The following CDH18 variants were observed in gnomAD, a reference collection of about 807,000 sequenced individuals.
CDH18 encodes cadherin-18.
In CDH18, 31 loss-of-function variants were observed where a neutral mutation model predicts 67.9. The observed-to-expected ratio is 0.46, with a 90% confidence interval of 0.34 to 0.62. The LOEUF is 0.62. CDH18 is among the 20% of genes least tolerant of loss of function. The probability of loss-of-function intolerance (pLI) is 0.01; values close to 1 mark genes in which losing one functional copy is unlikely to be tolerated. For missense variants in CDH18, 890 were observed against 975.5 expected (o/e 0.91, Z 1.17); for synonymous variants, 362 against 347.2 (o/e 1.04, Z -0.48).
chr5:20,032,434 A>T (rs562517854), intron 2 of CDH18, among the ~76,000 whole-genome samples: 1 of 151,978 alleles, frequency 6.6e-6, no homozygotes, highest in East Asian at 1.9e-4. Context: ...AAAAGCAAAA[A>T]TCATCCCAGC....
intron 1 of CDH18, among the ~76,000 whole-genome samples, chr5:20,294,283 T>A (rs1013839888): frequency 2.6e-5 from 4 of 152,182 alleles, no homozygotes; most frequent in African/African-American, 9.7e-5. Context: ...TTATCAAATA[T>A]TTTTTCCATT....
chr5:20,383,657 T>G (rs968491963), intron 1 of CDH18, among the ~76,000 whole-genome samples: 1 of 152,168 alleles, frequency 6.6e-6, no homozygotes, highest in Non-Finnish European at 1.5e-5. Flanking sequence ...CGTGAATCTT[T>G]CATTTGCTGT....
At chr5:19,676,004 G>A (rs1005792888) in intron 5 of CDH18, among the ~76,000 whole-genome samples, 2 of 150,762 alleles carry the variant, frequency 1.3e-5, no homozygotes, top group African/African-American at 4.9e-5. Context: ...GTAAACAAAA[G>A]CAGTGATCTG....
At position 20,292,279 on chromosome 5, in the gene CDH18, T is replaced by A. The variant is rs377175293; in HGVS notation, c.-579-36774A>T. On this transcript the variant is annotated intron_variant, in intron 1 of 14. Transcript: ENST00000507958. ...GTAAGTTTTCACTTGATGGTTCAAT[T>A]TCTGAGATTGAGAAACACTGCTGTT... Among the ~76,000 whole-genome samples the A allele has an allele frequency of 9.2e-5, 14 of 152,304 alleles. No individual in the cohort carries two copies. In the East Asian group the frequency reaches 2.3e-3, roughly 25 times the overall value.
At chr5:20,363,477 CAAAAA>C (rs1187140017) in intron 1 of CDH18, among the ~76,000 whole-genome samples, 2,856 of 101,294 alleles carry the variant, frequency 0.028, 74 homozygotes, top group East Asian at 0.092. Context: ...GACTCCGTAT[CAAAAA>C]AAAAAAAAAA....
At chr5:20,117,030 A>T (rs200847058) in intron 2 of CDH18, among the ~76,000 whole-genome samples, 20,675 of 147,640 alleles carry the variant, frequency 0.14, 2,403 homozygotes, top group African/African-American at 0.32. Context: ...TGTGTGTGTG[A>T]GTGTGTGTGT....
At chr5:19,826,150 C>G (rs1307761324) in intron 3 of CDH18, among the ~76,000 whole-genome samples, 1 of 151,952 alleles carries the variant, frequency 6.6e-6, no homozygotes, top group East Asian at 1.9e-4. Flanking sequence ...AAGACTGGTT[C>G]TCTGAAGTAA....
At chr5:20,480,051 A>G (rs1752686081) in intron 1 of CDH18, among the ~76,000 whole-genome samples, 1 of 152,208 alleles carries the variant, frequency 6.6e-6, no homozygotes, top group African/African-American at 2.4e-5. Flanking sequence ...TCCTTCAGAC[A>G]TGAAAGAGAA....
intron 11 of CDH18, among the ~76,000 whole-genome samples, chr5:19,485,510 C>T (rs1740250940): frequency 6.6e-6 from 1 of 152,176 alleles, no homozygotes; most frequent in Non-Finnish European, 1.5e-5. Context: ...CCGCCTCGGC[C>T]TCCCAAAGTG....
rs76994940 is a variant in CDH18, at chr5:19,606,011, C to T, written c.811+6423G>A. Among the ~76,000 whole-genome samples, 1,139 of 152,116 alleles carry T rather than the reference C, an allele frequency of 7.5e-3. 20 individuals carry two copies. The highest frequency in any genetic ancestry group is 0.026 in the African/African-American group (1,091 of 41,522). ...AGAAAGTGCATCTGGAAGGCAAAGG[C>T]GCTAGGCAGAGATTTCAGCAGCCAT... On this transcript the variant is annotated intron_variant, in intron 6 of 12. Transcript: ENST00000382275.
chr5:20,479,069 A>G (rs1752622523), intron 1 of CDH18, among the ~76,000 whole-genome samples: 1 of 152,174 alleles, frequency 6.6e-6, no homozygotes, highest in African/African-American at 2.4e-5. Flanking sequence ...CAAACCATAT[A>G]TGGCTGCATT....
intron 12 of CDH18, among the ~76,000 whole-genome samples, chr5:19,481,173 T>C (rs73760027): frequency 0.062 from 9,515 of 152,242 alleles, 378 homozygotes; most frequent in African/African-American, 0.11. Context: ...CCTTATTTAG[T>C]GATCACATTG....
At chr5:19,949,614 T>C (rs534803072) in intron 2 of CDH18, among the ~76,000 whole-genome samples, 315 of 152,274 alleles carry the variant, frequency 2.1e-3, no homozygotes, top group Non-Finnish European at 2.9e-3. Context: ...CTTTTCGTAA[T>C]TGAATTTTTC....
chr5:19,816,856 T>G (rs1055437654), intron 3 of CDH18, among the ~76,000 whole-genome samples: 2 of 151,852 alleles, frequency 1.3e-5, no homozygotes, highest in Admixed American at 6.6e-5. Flanking sequence ...CAAAATATAA[T>G]TTCAGTCAAA....
intron 1 of CDH18, among the ~76,000 whole-genome samples, chr5:20,522,420 C>T (rs550288027): frequency 6.6e-6 from 1 of 152,186 alleles, no homozygotes; most frequent in South Asian, 2.1e-4. Flanking sequence ...GAATCTTATC[C>T]TTTAATAAAT....
At chr5:19,919,951 T>C (rs1040028300) in intron 2 of CDH18, among the ~76,000 whole-genome samples, 1 of 152,172 alleles carries the variant, frequency 6.6e-6, no homozygotes, top group Admixed American at 6.5e-5. Context: ...TCTTTTGTAC[T>C]ATATCTAGAT....
chr5:19,814,209 A>G (rs1779049402), intron 3 of CDH18, among the ~76,000 whole-genome samples: 1 of 152,044 alleles, frequency 6.6e-6, no homozygotes. Flanking sequence ...AAGTAATATA[A>G]CAAATGAACT....
intron 2 of CDH18, among the ~76,000 whole-genome samples, chr5:19,908,683 A>G (rs1370754558): frequency 6.6e-6 from 1 of 152,192 alleles, no homozygotes; most frequent in Non-Finnish European, 1.5e-5. Flanking sequence ...AAAACAAGTT[A>G]TCTGTCATAT....
At chr5:20,077,167 A>G (rs1744016906) in intron 2 of CDH18, among the ~76,000 whole-genome samples, 1 of 152,218 alleles carries the variant, frequency 6.6e-6, no homozygotes, top group African/African-American at 2.4e-5. Flanking sequence ...GCTGTTTCAA[A>G]CTGCATCCCT....
Sources: allele counts gnomAD v4.1 joint callset (sites outside exome capture counted in the v4.1 genomes callset), GRCh38; gene constraint gnomAD v4.1.1; transcripts MANE v1.5; gene names NCBI Gene and HGNC (gene_info 2026-07-23, HGNC 2026-07-21).